TRIM4: variants seen among roughly 807,000 people sequenced by gnomAD.
TRIM4 encodes tripartite motif containing 4, also known as E3 ubiquitin-protein ligase TRIM4.
A neutral mutation model predicts 33.7 loss-of-function variants in TRIM4; 29 were observed. The ratio of observed to expected loss-of-function variants is 0.86; its 90% confidence interval spans 0.64 to 1.17. The LOEUF (loss-of-function observed/expected upper bound fraction) is 1.17. TRIM4 is among the 50% of genes most tolerant of loss of function. The probability of loss-of-function intolerance (pLI) is 0.00; values close to 1 mark genes in which losing one functional copy is unlikely to be tolerated. For synonymous variants in TRIM4, 224 were observed against 233.0 expected (o/e 0.96, Z 0.35); for missense variants, 554 against 593.7 (o/e 0.93, Z 0.69).
rs11539679 is a variant in TRIM4, at chr7:99,919,151, G to T, written c.251C>A (p.Pro84Gln). ...CTCCCAGTGGCGGCCGCACAGGCCC[G>T]GGGGCACGGGGCCCAGGCGCCGGCG... ...TQRRRLGPVP[P>Q]GLCGRHWEPL... Residue 84 changes from proline to glutamine, a missense_variant, in exon 1 of 6, where the codon CCG becomes CAG. Coordinates refer to ENST00000349062, the MANE Select transcript of TRIM4 (RefSeq NM_033091.3). 6 of 1,489,568 alleles carry T rather than the reference G, an allele frequency of 4.0e-6. No homozygotes were observed. The highest frequency in any genetic ancestry group is 5.4e-6 in the Non-Finnish European group (6 of 1,120,742). 92.3% of individuals were successfully genotyped at this position (1,489,568 alleles called of 1,614,324 possible).
At chr7:99,897,411 C>T (rs1191022793) in intron 5 of TRIM4, among the ~76,000 whole-genome samples, 4 of 152,144 alleles carry the variant, frequency 2.6e-5, no homozygotes, top group African/African-American at 9.7e-5. Context: ...TACACTCTCC[C>T]ACTTAGTAGA....
At chr7:99,901,794 T>C (rs1819175393) in intron 5 of TRIM4, 1 of 287,774 alleles carries the variant, frequency 3.5e-6, no homozygotes, top group Non-Finnish European at 6.4e-6. Context: ...CAGCCTTGAG[T>C]AGATTTTCAC....
intron 5 of TRIM4, among the ~76,000 whole-genome samples, chr7:99,902,621 G>C (rs988975378): frequency 1.3e-5 from 2 of 152,026 alleles, no homozygotes; most frequent in African/African-American, 2.4e-5. Flanking sequence ...ACCTGCCTTG[G>C]TGCCTCCCTG....
rs1819371412 is a variant in TRIM4, at chr7:99,908,899, C to G, written c.490-87G>C. The G allele has an allele frequency of 3.2e-6, 4 of 1,257,086 alleles. No homozygotes were observed. In the South Asian group the frequency reaches 5.7e-5, roughly 18 times the overall value. 77.9% of individuals were successfully genotyped at this position (1,257,086 alleles called of 1,614,324 possible). A position where few individuals can be genotyped will look rare whatever the true frequency, so the allele number is the denominator to read the frequency against. ...ACACAATTCCCCAGTAATCCACAGT[C>G]AATCCTAATCAAACCCTCTTGAAAA... On this transcript the variant is annotated intron_variant, in intron 2 of 5. Transcript: ENST00000349062.
chr7:99,892,546 CG>C lies in TRIM4; in HGVS notation c.1041del (p.Asn347LysfsTer57), dbSNP rs763852214. On this transcript the variant is annotated frameshift_variant, in exon 6 of 6. Coordinates refer to ENST00000349062, the MANE Select transcript of TRIM4 (RefSeq NM_033091.3). LOFTEE classifies it low-confidence loss of function (END_TRUNC). ...CAGTAATGTTTCCCTGAGGTGAAAA[CG>C]TTTTTTCCCAGAACACAGGGTAAGT... ...FQHLPCVLGK[N>X]VFTSGKHYWE... 6.2e-7 allele frequency: 1 copy of C among 1,614,180 alleles called. No homozygotes were observed. The highest frequency in any genetic ancestry group is 1.7e-5 in the Admixed American group (1 of 60,022).
chr7:99,905,094 T>C (rs1819268601), intron 3 of TRIM4, among the ~76,000 whole-genome samples: 1 of 151,166 alleles, frequency 6.6e-6, no homozygotes, highest in African/African-American at 2.4e-5. Context: ...TACATACATA[T>C]ATATATATAT....
chr7:99,892,877 C>T, intron 5 of TRIM4, 131 bp from the exon 6 acceptor site: 1 of 802,646 alleles, frequency 1.2e-6, no homozygotes, highest in Non-Finnish European at 1.9e-6. Flanking sequence ...TGCTGCCCAA[C>T]TGATCCTCAG....
chr7:99,903,231 T>C lies in TRIM4; in HGVS notation c.828A>G (p.Leu276=). 6.2e-7 allele frequency: 1 copy of C among 1,611,904 alleles called. No individual in the cohort carries two copies. The highest frequency in any genetic ancestry group is 1.1e-5 in the South Asian group (1 of 90,916). Residue 276 remains leucine (L), a synonymous_variant, in exon 5 of 6, where the codon CTA becomes CTG. Transcript: ENST00000349062. The part of the protein sequence containing the change: ...VCQIPLMKEM[L]KRFQVAVNLA... ...AATTCTGCTCACCTTGGAATCGCTTTAGCATTTCCTTCATCAATGGTATCT... is the reference window on the plus strand; with the variant it reads ...AATTCTGCTCACCTTGGAATCGCTTCAGCATTTCCTTCATCAATGGTATCT...
intron 3 of TRIM4, among the ~76,000 whole-genome samples, chr7:99,906,779 G>A (rs1292933382): frequency 7.9e-5 from 12 of 152,164 alleles, no homozygotes; most frequent in African/African-American, 2.7e-4. Flanking sequence ...CCAGCAGCTT[G>A]AGGGTGCAGT....
intron 3 of TRIM4, among the ~76,000 whole-genome samples, chr7:99,907,715 A>C (rs1000744202): frequency 1.3e-5 from 2 of 152,246 alleles, no homozygotes; most frequent in Non-Finnish European, 1.5e-5. Context: ...TCTTATTGAT[A>C]ATAACTACTG....
chr7:99,914,798 C>A (rs1819516917), intron 1 of TRIM4, among the ~76,000 whole-genome samples: 1 of 151,708 alleles, frequency 6.6e-6, no homozygotes, highest in South Asian at 2.1e-4. Context: ...AGCACTTTTT[C>A]TTTTTTTCTT....
chr7:99,898,105 C>A (rs1184719018), intron 5 of TRIM4, among the ~76,000 whole-genome samples: 1 of 152,222 alleles, frequency 6.6e-6, no homozygotes, highest in African/African-American at 2.4e-5. Context: ...CTATATTTGG[C>A]ATGATAAGTC....
At chr7:99,918,512 C>T (rs976190569) in intron 1 of TRIM4, among the ~76,000 whole-genome samples, 1 of 151,786 alleles carries the variant, frequency 6.6e-6, no homozygotes, top group Non-Finnish European at 1.5e-5. Flanking sequence ...TTGCAGTGAG[C>T]CAAGATCACG....
chr7:99,893,409 G>A (rs548096011), intron 5 of TRIM4, among the ~76,000 whole-genome samples: 1 of 152,280 alleles, frequency 6.6e-6, no homozygotes, highest in Admixed American at 6.5e-5. Flanking sequence ...CGACTAGCTG[G>A]TTCTTTGGCT....
intron 1 of TRIM4, among the ~76,000 whole-genome samples, chr7:99,917,606 C>G (rs1267336578): frequency 1.3e-5 from 2 of 152,174 alleles, no homozygotes; most frequent in African/African-American, 4.8e-5. Flanking sequence ...GTAATCCCAG[C>G]TACTCGGTAA....
intron 3 of TRIM4, chr7:99,908,255 T>G (rs1819354239): frequency 4.8e-6 from 1 of 209,512 alleles, no homozygotes; most frequent in African/African-American, 2.3e-5. Context: ...AGTTTTATGC[T>G]TGCTTTGTTT....
chr7:99,896,879 C>A (rs1819027630), intron 5 of TRIM4, among the ~76,000 whole-genome samples: 1 of 152,260 alleles, frequency 6.6e-6, no homozygotes, highest in Admixed American at 6.5e-5. Context: ...GCTGTGGCAG[C>A]TGCAGTTGGC....
At chr7:99,917,477 T>C (rs2571996) in intron 1 of TRIM4, among the ~76,000 whole-genome samples, 98,656 of 152,076 alleles carry the variant, frequency 0.65, 33,943 homozygotes, top group African/African-American at 0.88. Context: ...CCCAGCACTT[T>C]GGGAGGCCAA....
chr7:99,894,670 C>G (rs368772685), intron 5 of TRIM4, among the ~76,000 whole-genome samples: 1,820 of 148,632 alleles, frequency 0.012, 20 homozygotes, highest in Non-Finnish European at 0.018. Flanking sequence ...CCATCCCCCC[C>G]CCAAAAAAAA....
Sources: allele counts gnomAD v4.1 joint callset (sites outside exome capture counted in the v4.1 genomes callset), GRCh38; gene constraint gnomAD v4.1.1; transcripts MANE v1.5; gene names NCBI Gene and HGNC (gene_info 2026-07-23, HGNC 2026-07-21).